TMEM164: variants seen among roughly 807,000 people sequenced by gnomAD.
The protein encoded by TMEM164 is transmembrane protein 164.
In TMEM164, 4 loss-of-function variants were observed where a neutral mutation model predicts 18.8. The observed-to-expected ratio is 0.21, with a 90% CI of 0.10 to 0.49. TMEM164 has a LOEUF of 0.49. Ranked by LOEUF, TMEM164 falls within the 20% of genes least tolerant of loss-of-function variation. The probability of loss-of-function intolerance (pLI) is 0.98; values close to 1 mark genes in which losing one functional copy is unlikely to be tolerated. For missense variants in TMEM164, 108 were observed against 239.9 expected (o/e 0.45, Z 3.63); for synonymous variants, 86 against 101.7 (o/e 0.85, Z 0.93).
At position 110,175,988 on chromosome X, in the gene TMEM164, G is replaced by C. The variant is rs960092840; in HGVS notation, c.*2537G>C. On this transcript the variant is annotated 3_prime_UTR_variant, in exon 7 of 7. Coordinates refer to ENST00000372068, the MANE Select transcript of TMEM164 (RefSeq NM_032227.4). ...TGGTACAGGAGTGAGGGAGAAGCTG[G>C]AGCTTGCACACCCAGTGGCCAGTGG... 1.3e-6 allele frequency: 1 copy of C among 756,573 alleles called. No homozygotes were observed. The highest frequency in any genetic ancestry group is 1.6e-6 in the Non-Finnish European group (1 of 639,665). The allele number at this position is 756,573 out of a possible 1,213,427, so 62.4% of individuals were successfully genotyped here.
chrX:110,009,992 CAA>C (rs34211835), intron 2 of TMEM164, among the ~76,000 whole-genome samples: 7 of 73,529 alleles, frequency 9.5e-5, no homozygotes, highest in African/African-American at 5.1e-5. Context: ...GACTCTGTCT[CAA>C]AAAAAAAAAA....
At chrX:110,042,177 A>G (rs1935125410) in intron 2 of TMEM164, among the ~76,000 whole-genome samples, 1 of 109,028 alleles carries the variant, frequency 9.2e-6, no homozygotes, top group South Asian at 4.1e-4. Context: ...TGTACACATT[A>G]AGCAATAACT....
At chrX:110,033,597 C>G (rs183575085) in intron 2 of TMEM164, among the ~76,000 whole-genome samples, 229 of 111,420 alleles carry the variant, frequency 2.1e-3, no homozygotes, top group Non-Finnish European at 3.9e-3. Context: ...GAGGCTTTCT[C>G]TTAGAAAGAT....
intron 5 of TMEM164, among the ~76,000 whole-genome samples, chrX:110,166,417 A>G (rs779068814): frequency 8.9e-6 from 1 of 112,458 alleles, no homozygotes. Flanking sequence ...CTTACTCCCA[A>G]TGTGGACTCT....
At chrX:110,063,022 G>A (rs1443780610) in intron 2 of TMEM164, among the ~76,000 whole-genome samples, 3 of 111,584 alleles carry the variant, frequency 2.7e-5, no homozygotes, top group Non-Finnish European at 5.7e-5. Context: ...ACTTTGGGCA[G>A]CCCAGAGAGT....
intron 2 of TMEM164, chrX:110,046,072 G>A: frequency 2.7e-6 from 2 of 754,571 alleles, no homozygotes; most frequent in Non-Finnish European, 3.1e-6. Flanking sequence ...TCTGGGTTGA[G>A]TCAACAACAG....
intron 2 of TMEM164, among the ~76,000 whole-genome samples, chrX:110,011,346 A>G (rs934242059): frequency 8.9e-6 from 1 of 111,796 alleles, no homozygotes. Flanking sequence ...TAATGCAATT[A>G]AGGAAAGCTT....
At chrX:110,154,972 T>C (rs1201217911) in intron 5 of TMEM164, among the ~76,000 whole-genome samples, 1 of 111,976 alleles carries the variant, frequency 8.9e-6, no homozygotes, top group Non-Finnish European at 1.9e-5. Flanking sequence ...ATGAAGAGTA[T>C]ACAGAACAAT....
intron 3 of TMEM164, among the ~76,000 whole-genome samples, chrX:110,090,433 G>A (rs2065909162): frequency 9.1e-6 from 1 of 109,448 alleles, no homozygotes; most frequent in Non-Finnish European, 1.9e-5. Flanking sequence ...GGCCTCCTGA[G>A]TAGCTGGGAC....
intron 4 of TMEM164, among the ~76,000 whole-genome samples, chrX:110,136,732 T>C (rs2066696760): frequency 9.0e-6 from 1 of 111,327 alleles, no homozygotes; most frequent in Non-Finnish European, 1.9e-5. Context: ...AAGCTAATAT[T>C]TCCATCTGTG....
At chrX:110,026,136 A>G (rs1427946651) in intron 2 of TMEM164, among the ~76,000 whole-genome samples, 1 of 112,426 alleles carries the variant, frequency 8.9e-6, no homozygotes, top group Non-Finnish European at 1.9e-5. Flanking sequence ...AGAGCCAGTA[A>G]CAACAACCTT....
intron 2 of TMEM164, among the ~76,000 whole-genome samples, chrX:110,031,737 C>T (rs1443595960): frequency 1.8e-5 from 2 of 110,701 alleles, no homozygotes; most frequent in Admixed American, 9.7e-5. Context: ...TTTTGATACA[C>T]GTATCCATTA....
At chrX:110,154,506 G>A (rs2066989099) in intron 5 of TMEM164, among the ~76,000 whole-genome samples, 1 of 110,940 alleles carries the variant, frequency 9.0e-6, no homozygotes, top group Non-Finnish European at 1.9e-5. Flanking sequence ...TGCAACCTCT[G>A]CTTCTCGGGT....
At chrX:110,164,887 GCAAGGAGAGGTAGGT>G (rs1569358462) in intron 5 of TMEM164, among the ~76,000 whole-genome samples, 5,637 of 112,040 alleles carry the variant, frequency 0.05, 359 homozygotes, top group African/African-American at 0.17. Flanking sequence ...GATGAAGCAG[GCAAGGAGAGGTAGGT>G]TGGGTAACAA....
At chrX:110,117,385 A>AT (rs985456052) in intron 4 of TMEM164, among the ~76,000 whole-genome samples, 1 of 112,503 alleles carries the variant, frequency 8.9e-6, no homozygotes, top group Non-Finnish European at 1.9e-5. Flanking sequence ...TACTTTTAGG[A>AT]TTTTTTTGTT....
intron 2 of TMEM164, among the ~76,000 whole-genome samples, chrX:110,030,915 T>C (rs1648277874): frequency 8.9e-6 from 1 of 111,873 alleles, no homozygotes; most frequent in South Asian, 3.8e-4. Context: ...TTTTAAAATT[T>C]TTTATTATAC....
intron 3 of TMEM164, among the ~76,000 whole-genome samples, chrX:110,101,755 A>T (rs1376200093): frequency 3.7e-5 from 4 of 106,922 alleles, no homozygotes; most frequent in African/African-American, 1.4e-4. Context: ...AATTTTTTAA[A>T]TTTTTTTTGT....
intron 3 of TMEM164, among the ~76,000 whole-genome samples, chrX:110,087,949 A>C (rs965148317): frequency 8.9e-6 from 1 of 111,860 alleles, no homozygotes; most frequent in African/African-American, 3.3e-5. Context: ...ATGTGAGCCA[A>C]GGTAGACGAG....
rs1237248083 is a variant in TMEM164 at position 110,105,695 on chromosome X, CACACACACACACACACACACACACAG to C, written c.441-3373_441-3348del. Among the ~76,000 whole-genome samples the C allele has an allele frequency of 4.0e-3, 394 of 98,857 alleles. 1 individual carries two copies. Among genetic ancestry groups the C allele is most frequent in the African/African-American group, 0.014 (359 of 25,128 alleles). The allele number at this position is 98,857 out of a possible 115,157, so 85.8% of individuals were successfully genotyped here. On this transcript the variant is annotated intron_variant, in intron 3 of 6. Coordinates refer to ENST00000372068, the MANE Select transcript of TMEM164 (RefSeq NM_032227.4). ...AGAAACACAGACACACACACACACA[CACACACACACACACACACACACACAG>C]ACACACACACAGAGAGAGAGAGAGA...
Sources: gnomAD v4.1 joint callset for allele counts (sites outside exome capture counted in the v4.1 genomes callset) on GRCh38, gnomAD v4.1.1 for gene constraint, MANE v1.5 for transcripts, NCBI Gene and HGNC (gene_info 2026-07-23, HGNC 2026-07-21) for gene names.